The following ATRNL1 variants were observed in gnomAD, a reference collection of about 807,000 sequenced individuals.
ATRNL1 encodes attractin like 1.
A neutral mutation model predicts 182.7 loss-of-function variants in ATRNL1; 95 were observed. That is an observed-to-expected ratio of 0.52 (90% CI 0.44 to 0.62). The LOEUF is 0.62. Ranked by LOEUF, ATRNL1 falls within the 20% of genes least tolerant of loss-of-function variation. The pLI, the probability that ATRNL1 is intolerant of heterozygous loss-of-function variation, is 0.00. For missense variants in ATRNL1, 1,471 were observed against 1,679.5 expected (o/e 0.88, Z 2.17); for synonymous variants, 576 against 568.3 (o/e 1.01, Z -0.19).
rs913444106 is a variant in ATRNL1 at position 115,826,124 on chromosome 10, G to A, written c.3904-21753G>A. On this transcript the variant is annotated intron_variant, in intron 27 of 28. Coordinates refer to ENST00000355044, the MANE Select transcript of ATRNL1 (RefSeq NM_207303.4). Reference sequence around the variant, plus strand: ...ACCTCCTTGGAGAGCTGTTTCCTGGGGAATCTATAGATGGTCATGCTAGCT... The same window carrying A: ...ACCTCCTTGGAGAGCTGTTTCCTGGAGAATCTATAGATGGTCATGCTAGCT... 2.0e-5 allele frequency among the ~76,000 whole-genome samples: 3 copies of A among 152,048 alleles called. No homozygotes were observed. The South Asian group carries it at 6.2e-4, about 32-fold the overall frequency.
chr10:115,208,578 T>C (rs1848894291), intron 8 of ATRNL1, among the ~76,000 whole-genome samples: 1 of 152,090 alleles, frequency 6.6e-6, no homozygotes, highest in South Asian at 2.1e-4. Flanking sequence ...TTTATTTTGG[T>C]ACTACATCTC....
chr10:115,096,523 T>G, intron 1 of ATRNL1: 1 of 493,482 alleles, frequency 2.0e-6, no homozygotes, highest in East Asian at 7.5e-5. Context: ...TGAAAATCTT[T>G]TTCTAAACTG....
At chr10:115,431,144 C>T (rs1348523679) in intron 21 of ATRNL1, among the ~76,000 whole-genome samples, 3 of 152,102 alleles carry the variant, frequency 2.0e-5, no homozygotes, top group Non-Finnish European at 4.4e-5. Flanking sequence ...CAGTGGCTCA[C>T]GCCTGTAATG....
chr10:115,159,980 A>G, intron 5 of ATRNL1, 60 bp from the exon 6 acceptor site: 1 of 1,269,740 alleles, frequency 7.9e-7, no homozygotes. Flanking sequence ...CATATGTTGT[A>G]TTTCTATAAT....
intron 24 of ATRNL1, among the ~76,000 whole-genome samples, chr10:115,509,333 G>A (rs1372697683): frequency 6.6e-6 from 1 of 151,956 alleles, no homozygotes; most frequent in Non-Finnish European, 1.5e-5. Context: ...CGGTTTGGGT[G>A]GTGTCCCCAC....
intron 21 of ATRNL1, among the ~76,000 whole-genome samples, chr10:115,457,397 G>C (rs1181060982): frequency 6.6e-6 from 1 of 151,964 alleles, no homozygotes; most frequent in Admixed American, 6.6e-5. Context: ...TCTCACTCTG[G>C]TTGTGGACTC....
intron 26 of ATRNL1, among the ~76,000 whole-genome samples, chr10:115,726,685 G>T (rs145837720): frequency 3.9e-4 from 59 of 152,222 alleles, no homozygotes; most frequent in African/African-American, 1.3e-3. Context: ...ATAAACAGAG[G>T]CTTTGAACAA....
chr10:115,632,582 A>G (rs1858583079), intron 26 of ATRNL1, among the ~76,000 whole-genome samples: 1 of 152,224 alleles, frequency 6.6e-6, no homozygotes, highest in Admixed American at 6.5e-5. Flanking sequence ...GATTTTGATT[A>G]TCTTGACAAG....
chr10:115,187,846 TA>T (rs1848008784), intron 8 of ATRNL1, among the ~76,000 whole-genome samples: 1 of 151,812 alleles, frequency 6.6e-6, no homozygotes, highest in South Asian at 2.1e-4. Context: ...CATGCCTGGT[TA>T]ATTTTTTAAT....
chr10:115,146,866 T>C (rs1162856384), intron 5 of ATRNL1, among the ~76,000 whole-genome samples: 1 of 151,960 alleles, frequency 6.6e-6, no homozygotes, highest in Non-Finnish European at 1.5e-5. Context: ...TCATTATCCT[T>C]TTGTCTGTTG....
At chr10:115,546,233 G>C (rs1369604076) in intron 25 of ATRNL1, among the ~76,000 whole-genome samples, 1 of 152,014 alleles carries the variant, frequency 6.6e-6, no homozygotes, top group African/African-American at 2.4e-5. Context: ...TGAACCCTTA[G>C]ATCATATCTA....
At chr10:115,439,743 C>T (rs187110302) in intron 21 of ATRNL1, among the ~76,000 whole-genome samples, 5 of 151,748 alleles carry the variant, frequency 3.3e-5, no homozygotes, top group African/African-American at 7.2e-5. Context: ...GAAAGGGAAG[C>T]GGAGGAAATT....
intron 27 of ATRNL1, among the ~76,000 whole-genome samples, chr10:115,756,282 C>T (rs1315505907): frequency 6.6e-6 from 1 of 152,102 alleles, no homozygotes; most frequent in African/African-American, 2.4e-5. Flanking sequence ...ATCTTTCCTG[C>T]TTTCTCTTGT....
At chr10:115,834,513 C>T (rs1172159694) in intron 27 of ATRNL1, among the ~76,000 whole-genome samples, 1 of 152,156 alleles carries the variant, frequency 6.6e-6, no homozygotes, top group Non-Finnish European at 1.5e-5. Flanking sequence ...GTTTGTTTGC[C>T]TGTCTCTAGG....
intron 28 of ATRNL1, among the ~76,000 whole-genome samples, chr10:115,868,941 T>C (rs4237491): frequency 1.3e-5 from 2 of 150,162 alleles, no homozygotes; most frequent in African/African-American, 2.5e-5. Flanking sequence ...GCCATTCTCC[T>C]GCCTCAGCCG....
At chr10:115,672,585 G>A (rs554595802) in intron 26 of ATRNL1, among the ~76,000 whole-genome samples, 20 of 152,214 alleles carry the variant, frequency 1.3e-4, no homozygotes, top group African/African-American at 4.6e-4. Flanking sequence ...AACGTAAGCT[G>A]AATGTTGAGA....
chr10:115,130,801 G>C (rs1554874987), intron 5 of ATRNL1, among the ~76,000 whole-genome samples: 1 of 152,046 alleles, frequency 6.6e-6, no homozygotes, highest in African/African-American at 2.4e-5. Flanking sequence ...TTTAAGGCCT[G>C]AGAAATAGAA....
chr10:115,910,244 C>A (rs1555115570), intron 28 of ATRNL1, among the ~76,000 whole-genome samples: 1 of 152,198 alleles, frequency 6.6e-6, no homozygotes, highest in African/African-American at 2.4e-5. Context: ...GCTGCTGCTA[C>A]CACATTCTCA....
At chr10:115,924,726 C>T (rs1953169924) in intron 28 of ATRNL1, among the ~76,000 whole-genome samples, 1 of 152,050 alleles carries the variant, frequency 6.6e-6, no homozygotes, top group Non-Finnish European at 1.5e-5. Flanking sequence ...TGTCTTGGCT[C>T]TACAGGGTCT....
Sources: gnomAD v4.1 joint callset for allele counts (sites outside exome capture counted in the v4.1 genomes callset) on GRCh38, gnomAD v4.1.1 for gene constraint, MANE v1.5 for transcripts, NCBI Gene and HGNC (gene_info 2026-07-23, HGNC 2026-07-21) for gene names.